COPG2: variants seen among roughly 807,000 people sequenced by gnomAD.
The protein encoded by COPG2 is coatomer subunit gamma-2.
In COPG2, 37 loss-of-function variants were observed where a neutral mutation model predicts 46.3. The ratio of observed to expected loss-of-function variants is 0.80; its 90% CI spans 0.61 to 1.05. The LOEUF is 1.05. COPG2 is among the 50% of genes least tolerant of loss of function. The pLI is 0.00. For missense variants in COPG2, 427 were observed against 387.8 expected, an observed-to-expected ratio of 1.10 and a Z score of -0.85; for synonymous variants, 159 against 129.7, an observed-to-expected ratio of 1.23 and a Z score of -1.53.
chr7:130,626,220 G>A (rs1795116746), intron 5 of COPG2, among the ~76,000 whole-genome samples: 1 of 152,016 alleles, frequency 6.6e-6, no homozygotes. Context: ...GTTATGTAGT[G>A]ATTTGCCTTT....
intron 20 of COPG2, chr7:130,508,974 G>T (rs1554440606): frequency 2.1e-6 from 1 of 481,564 alleles, no homozygotes; most frequent in East Asian, 5.2e-5. Context: ...CCTATCAAAG[G>T]GGCCTAAATG....
intron 9 of COPG2, among the ~76,000 whole-genome samples, chr7:130,606,327 A>AAAGAAGGAAGG (rs1794730181): frequency 6.6e-6 from 1 of 152,026 alleles, no homozygotes; most frequent in Non-Finnish European, 1.5e-5. Flanking sequence ...AAAGAAAGAG[A>AAAGAAGGAAGG]AAGAAGGAAG....
intron 9 of COPG2, among the ~76,000 whole-genome samples, chr7:130,576,929 A>T (rs1466841489): frequency 6.6e-6 from 1 of 152,240 alleles, no homozygotes; most frequent in Non-Finnish European, 1.5e-5. Flanking sequence ...GAAACAGAAG[A>T]TATTACAACT....
intron 4 of COPG2, among the ~76,000 whole-genome samples, chr7:130,659,402 G>A (rs562123701): frequency 2.1e-5 from 3 of 143,084 alleles, no homozygotes; most frequent in Admixed American, 7.1e-5. Context: ...AATTCCACTT[G>A]TAGGTATCTA....
At chr7:130,588,759 C>T (rs1584986198) in intron 9 of COPG2, among the ~76,000 whole-genome samples, 1 of 152,162 alleles carries the variant, frequency 6.6e-6, no homozygotes, top group Non-Finnish European at 1.5e-5. Context: ...AACAAACCTG[C>T]ACGTTGTGCA....
intron 3 of COPG2, among the ~76,000 whole-genome samples, 179 bp from the exon 4 acceptor site, chr7:130,663,217 A>G (rs1395138993): frequency 1.3e-5 from 2 of 152,200 alleles, no homozygotes; most frequent in Non-Finnish European, 2.9e-5. Flanking sequence ...AAACCCACAT[A>G]GCCATTTATC....
Position 130,663,014 on chromosome 7 carries a change from C to A in COPG2, c.196G>T (p.Ala66Ser). Residue 66 changes from alanine to serine, a missense_variant, in exon 4 of 24, where the codon GCT (alanine) becomes TCT (serine). By Grantham distance (99) the Ala-to-Ser change is moderately conservative. Transcript: ENST00000425248. Reference protein sequence around the residue: ...NQGEHFGTTEATEAFFAMTRL... With the variant: ...NQGEHFGTTESTEAFFAMTRL... ...GTCATTGCAAAGAAGGCTTCTGTAG[C>A]TTCCGTTGTTCCAAAGTGTTCACCC... 1 of 1,547,352 alleles carries A rather than the reference C, an allele frequency of 6.5e-7. No individual in the cohort carries two copies. The highest frequency in any genetic ancestry group is 1.2e-5 in the South Asian group (1 of 80,406).
At chr7:130,647,749 G>A (rs1254244516) in intron 5 of COPG2, among the ~76,000 whole-genome samples, 3 of 130,756 alleles carry the variant, frequency 2.3e-5, no homozygotes, top group Admixed American at 8.0e-5. Context: ...TTTTTTTTTC[G>A]AGACGAAGTC....
intron 20 of COPG2, among the ~76,000 whole-genome samples, chr7:130,525,141 T>C (rs1479775055): frequency 1.3e-5 from 2 of 152,042 alleles, no homozygotes; most frequent in African/African-American, 2.4e-5. Context: ...GGATGCATGT[T>C]GGGTCACGTA....
intron 20 of COPG2, among the ~76,000 whole-genome samples, chr7:130,528,451 C>T (rs955535171): frequency 5.9e-5 from 9 of 151,960 alleles, no homozygotes; most frequent in African/African-American, 1.9e-4. Flanking sequence ...CAGTGCAGTA[C>T]GTGTGATGCA....
At chr7:130,513,308 A>AAAAAT (rs1236511164) in intron 20 of COPG2, among the ~76,000 whole-genome samples, 1 of 55,674 alleles carries the variant, frequency 1.8e-5, no homozygotes, top group Non-Finnish European at 2.9e-5. Context: ...AAAAAAAAAA[A>AAAAAT]ATATATATAT....
At chr7:130,511,853 T>A (rs10128) in intron 20 of COPG2, 5 of 518,654 alleles carry the variant, frequency 9.6e-6, no homozygotes, top group African/African-American at 5.8e-5. Flanking sequence ...CTCTTAAAGC[T>A]TTTGAGGGAA....
At chr7:130,620,346 G>A (rs1358546889) in intron 5 of COPG2, among the ~76,000 whole-genome samples, 1 of 152,054 alleles carries the variant, frequency 6.6e-6, no homozygotes, top group Non-Finnish European at 1.5e-5. Context: ...AAATATTTCA[G>A]GCTTTGCAGG....
intron 9 of COPG2, among the ~76,000 whole-genome samples, chr7:130,591,681 G>A (rs1232966754): frequency 4.0e-5 from 6 of 148,518 alleles, no homozygotes; most frequent in African/African-American, 1.5e-4. Flanking sequence ...CTACTGGGAA[G>A]TGAGGAGCCC....
At chr7:130,591,531 T>C in intron 9 of COPG2, among the ~76,000 whole-genome samples, 1 of 118,400 alleles carries the variant, frequency 8.4e-6, no homozygotes, top group Non-Finnish European at 1.8e-5. Flanking sequence ...GGGGTGCCTC[T>C]GCCCGGCCGC....
At chr7:130,539,197 A>G (rs1316955524) in intron 20 of COPG2, among the ~76,000 whole-genome samples, 3 of 152,166 alleles carry the variant, frequency 2.0e-5, no homozygotes, top group African/African-American at 7.2e-5. Flanking sequence ...GTACTGCAAG[A>G]TCAGGTGTGA....
chr7:130,547,971 A>G (rs1793472543), intron 19 of COPG2, 126 bp from the exon 20 acceptor site: 2 of 397,154 alleles, frequency 5.0e-6, no homozygotes, highest in South Asian at 2.8e-4. Context: ...GTCTCCTCCT[A>G]AGATTCTTCT....
intron 4 of COPG2, among the ~76,000 whole-genome samples, chr7:130,655,926 T>C (rs1554459850): frequency 6.6e-6 from 1 of 152,198 alleles, no homozygotes. Flanking sequence ...TGGCAATTTA[T>C]CTAGTTATTC....
intron 9 of COPG2, among the ~76,000 whole-genome samples, chr7:130,576,512 G>GA (rs1344258104): frequency 1.3e-5 from 2 of 152,078 alleles, no homozygotes; most frequent in African/African-American, 2.4e-5. Flanking sequence ...AGAATTCTTC[G>GA]AACTGAACAA....
Sources: gnomAD v4.1 joint callset for allele counts (sites outside exome capture counted in the v4.1 genomes callset) on GRCh38, gnomAD v4.1.1 for gene constraint, MANE v1.5 for transcripts, NCBI Gene and HGNC (gene_info 2026-07-23, HGNC 2026-07-21) for gene names.